The following KCNA6 variants were observed in gnomAD, a reference collection of about 807,000 sequenced individuals.
KCNA6 encodes human brain potassium channel-2.
Under a neutral mutation model 29.5 loss-of-function variants are expected in KCNA6, and 17 were observed. The observed-to-expected ratio is 0.58, with a 90% CI of 0.39 to 0.86. The LOEUF (loss-of-function observed/expected upper bound fraction) is 0.86. Ranked by LOEUF, KCNA6 falls within the 40% of genes least tolerant of loss-of-function variation. KCNA6 has a pLI of 0.00. For missense variants in KCNA6, 450 were observed against 703.4 expected, an observed-to-expected ratio of 0.64 and a Z score of 4.07; for synonymous variants, 296 against 304.7, an observed-to-expected ratio of 0.97 and a Z score of 0.30.
chr12:4,843,039 TAGAC>T, the KCNA6 span, among the ~76,000 whole-genome samples: 4 of 152,098 alleles, frequency 2.6e-5, no homozygotes, highest in African/African-American at 4.8e-5. Context: ...GGTGGTGGGA[TAGAC>T]AGAAAGGGAG....
the KCNA6 span, among the ~76,000 whole-genome samples, chr12:4,824,773 C>T: frequency 6.6e-6 from 1 of 152,188 alleles, no homozygotes; most frequent in Middle Eastern, 3.2e-3. Flanking sequence ...AAGGTCAACA[C>T]TTTTCTTTGC....
At chr12:4,820,591 A>ACACACT in the KCNA6 span, among the ~76,000 whole-genome samples, 8 of 144,620 alleles carry the variant, frequency 5.5e-5, no homozygotes, top group East Asian at 2.1e-4. Flanking sequence ...ACACACACAC[A>ACACACT]CTCTTAAAAA....
chr12:4,809,944 A>G, exon 1 of KCNA6: 2 of 1,390,268 alleles, frequency 1.4e-6, no homozygotes, highest in Non-Finnish European at 1.9e-6. Context: ...GCCCCACCCT[A>G]AAGAGGGCGC....
chr12:4,835,680 C>A, the KCNA6 span, among the ~76,000 whole-genome samples: 1 of 152,124 alleles, frequency 6.6e-6, no homozygotes, highest in African/African-American at 2.4e-5. Flanking sequence ...TTAGGAAACT[C>A]TCTCCCACCT....
chr12:4,844,728 T>G, the KCNA6 span, among the ~76,000 whole-genome samples: 11 of 152,144 alleles, frequency 7.2e-5, no homozygotes, highest in Admixed American at 7.2e-4. The surrounding 1 kb of genome is among the most constrained non-coding windows in gnomAD (Gnocchi z 4.0). Flanking sequence ...CCTTTGTACA[T>G]GTATGTTGTC....
At chr12:4,834,735 G>A in the KCNA6 span, among the ~76,000 whole-genome samples, 195 of 152,278 alleles carry the variant, frequency 1.3e-3, 1 homozygote, top group African/African-American at 4.5e-3. Flanking sequence ...GTTGAAACCC[G>A]CAACTGGGAC....
exon 1 of KCNA6, chr12:4,809,659 C>T (rs1946601212): frequency 5.2e-6 from 1 of 191,384 alleles, no homozygotes; most frequent in Non-Finnish European, 1.1e-5. Flanking sequence ...GAAGAGCTAG[C>T]CCGGCTGGAG....
chr12:4,811,716 T>C lies in KCNA6; in HGVS notation c.*85T>C. 3 of 1,469,270 alleles carry C rather than the reference T, an allele frequency of 2.0e-6. No homozygotes were observed. Among genetic ancestry groups the C allele is most frequent in the Non-Finnish European group, 2.8e-6 (3 of 1,083,338 alleles). The allele number at this position is 1,469,270 out of a possible 1,614,324, so 91.0% of individuals were successfully genotyped here. On this transcript the variant is annotated 3_prime_UTR_variant, in exon 1 of 1. Coordinates refer to ENST00000280684, the Ensembl canonical transcript of KCNA6. This position sits in a 1 kb window ranked among gnomAD's most constrained non-coding sequence, Gnocchi z 7.1. ...TCTCATTTCCACTACTCACTCTAGCTTCAGTTGACTTCTTGACTCTCTCCC... is the reference window on the plus strand; with the variant it reads ...TCTCATTTCCACTACTCACTCTAGCCTCAGTTGACTTCTTGACTCTCTCCC...
chr12:4,831,250 T>C, the KCNA6 span, among the ~76,000 whole-genome samples: 15 of 152,350 alleles, frequency 9.8e-5, 1 homozygote, highest in Admixed American at 8.5e-4. Flanking sequence ...AAGTTGCATG[T>C]GGCCCGGAGC....
the KCNA6 span, among the ~76,000 whole-genome samples, chr12:4,833,523 C>T: frequency 6.6e-6 from 1 of 152,194 alleles, no homozygotes; most frequent in African/African-American, 2.4e-5. Flanking sequence ...TCTGCCTCTT[C>T]GTGGGAGGAG....
the KCNA6 span, among the ~76,000 whole-genome samples, chr12:4,849,560 A>G: frequency 7.0e-6 from 1 of 142,176 alleles, no homozygotes; most frequent in Non-Finnish European, 1.5e-5. Context: ...GCCAGCAGGA[A>G]GCCTCTGGGC....
downstream of KCNA6, among the ~76,000 whole-genome samples, chr12:4,816,095 C>T (rs1455602167): frequency 6.6e-5 from 10 of 152,120 alleles, no homozygotes; most frequent in Non-Finnish European, 1.5e-4. Flanking sequence ...GCTGGGAGAA[C>T]GGTTTGGTCC....
chr12:4,823,475 C>T, the KCNA6 span, among the ~76,000 whole-genome samples: 3 of 150,420 alleles, frequency 2.0e-5, no homozygotes, highest in East Asian at 2.0e-4. Flanking sequence ...TGTTCAAAAA[C>T]GGGAATTCCG....
At chr12:4,850,822 G>A in the KCNA6 span, 19 of 454,340 alleles carry the variant, frequency 4.2e-5, no homozygotes, top group East Asian at 1.0e-3. The surrounding 1 kb of genome is among the most constrained non-coding windows in gnomAD (Gnocchi z 5.4). Flanking sequence ...TTCAGAAGAC[G>A]AGAACCCTGC....
the KCNA6 span, among the ~76,000 whole-genome samples, chr12:4,819,126 A>T: frequency 6.6e-6 from 1 of 152,180 alleles, no homozygotes; most frequent in South Asian, 2.1e-4. Context: ...ACACAAACAC[A>T]TATGGTGCTA....
At chr12:4,821,078 C>T in the KCNA6 span, among the ~76,000 whole-genome samples, 11 of 152,172 alleles carry the variant, frequency 7.2e-5, no homozygotes, top group Admixed American at 7.2e-4. Context: ...AGTTTCTAGA[C>T]TCTTCCCTGC....
the KCNA6 span, among the ~76,000 whole-genome samples, chr12:4,821,006 A>G: frequency 6.6e-6 from 1 of 152,214 alleles, no homozygotes. Context: ...GAAAGAAGGG[A>G]TGCAGAAGGC....
the KCNA6 span, among the ~76,000 whole-genome samples, chr12:4,823,995 C>T: frequency 1.8e-4 from 28 of 152,238 alleles, no homozygotes; most frequent in East Asian, 4.6e-3. Context: ...GATATCTGTC[C>T]ACCCTGAGGA....
At chr12:4,824,627 G>A in the KCNA6 span, among the ~76,000 whole-genome samples, 1 of 152,186 alleles carries the variant, frequency 6.6e-6, no homozygotes, top group Non-Finnish European at 1.5e-5. Flanking sequence ...AATCCACAGA[G>A]AGGTTGAATG....
Sources: gnomAD v4.1 joint callset for allele counts (sites outside exome capture counted in the v4.1 genomes callset) on GRCh38, gnomAD v4.1.1 for gene constraint, Gnocchi (gnomAD v3.1) non-coding constraint, MANE v1.5 for transcripts, NCBI Gene and HGNC (gene_info 2026-07-23, HGNC 2026-07-21) for gene names.